Variants in ACOT7 observed in about 807,000 individuals in gnomAD.
ACOT7 encodes cytosolic acyl coenzyme A thioester hydrolase.
ACOT7 carries 12 observed loss-of-function variants against 40.2 expected under a neutral mutation model. That is an observed-to-expected ratio of 0.30 (90% confidence interval 0.19 to 0.48). ACOT7 has a LOEUF of 0.48. ACOT7 is among the 20% of genes least tolerant of loss of function. ACOT7 has a pLI of 0.99. For missense variants in ACOT7, 395 were observed against 530.8 expected (o/e 0.74, Z 2.51); for synonymous variants, 228 against 219.5 (o/e 1.04, Z -0.34).
intron 1 of ACOT7, among the ~76,000 whole-genome samples, chr1:6,377,665 T>C (rs1435279433): frequency 3.3e-5 from 5 of 152,146 alleles, no homozygotes; most frequent in African/African-American, 1.2e-4. Context: ...CACCAAAGTG[T>C]AGTATCAAAA....
Position 6,355,824 on chromosome 1 carries a change from C to A in ACOT7, c.144-5958G>T, listed in dbSNP as rs1451804777. 1.3e-5 allele frequency among the ~76,000 whole-genome samples: 2 copies of A among 152,152 alleles called. No homozygotes were observed. The highest frequency in any genetic ancestry group is 1.5e-5 in the Non-Finnish European group (1 of 68,020). On this transcript the variant is annotated intron_variant, in intron 1 of 8. Coordinates refer to ENST00000361521, the MANE Select transcript of ACOT7 (RefSeq NM_007274.4). This position sits in a 1 kb window ranked among gnomAD's most constrained non-coding sequence, Gnocchi z 5.0. Reference sequence around the variant, plus strand: ...CCACATCCTCGCAGGACAGCCCGAGCCTGTTCCGCAGCGGGAGTGAGGCGC... The same window carrying A: ...CCACATCCTCGCAGGACAGCCCGAGACTGTTCCGCAGCGGGAGTGAGGCGC...
At chr1:6,345,663 C>T (rs1041251703) in intron 2 of ACOT7, among the ~76,000 whole-genome samples, 1 of 152,222 alleles carries the variant, frequency 6.6e-6, no homozygotes, top group Non-Finnish European at 1.5e-5. Flanking sequence ...AGAGAGGGTG[C>T]GGTCTCATCA....
intron 7 of ACOT7, among the ~76,000 whole-genome samples, chr1:6,283,654 A>T (rs12073007): frequency 2.6e-5 from 4 of 152,226 alleles, no homozygotes; most frequent in Non-Finnish European, 5.9e-5. Context: ...AACAAAAAGA[A>T]GAGAATGCTG....
intron 5 of ACOT7, among the ~76,000 whole-genome samples, chr1:6,318,944 C>T (rs946181947): frequency 6.6e-6 from 1 of 152,210 alleles, no homozygotes; most frequent in African/African-American, 2.4e-5. Context: ...TCCAATTTTA[C>T]AAGAAGTGCC....
chr1:6,271,386 C>G (rs1323518996), intron 8 of ACOT7, among the ~76,000 whole-genome samples: 1 of 152,226 alleles, frequency 6.6e-6, no homozygotes, highest in African/African-American at 2.4e-5. Context: ...ACGTAGCATG[C>G]CCTCTCCCTG....
Position 6,318,556 on chromosome 1 carries a change from G to A in ACOT7, c.648C>T (p.Ser216=), listed in dbSNP as rs1268325831. The part of the protein sequence containing the change: ...LNPEPNTVSY[S]QSSLIHLVGP... ...CCACCAGGTGGATCAAGCTGGACTG[G>A]CTGTAGCTGACAGTGTTCGGCTCTG... The change falls in exon 6 of 9, where the codon AGC becomes AGT. Residue 216 remains serine (S), a synonymous_variant. Transcript: ENST00000361521. The A allele has an allele frequency of 3.7e-6, 6 of 1,614,146 alleles. No homozygotes were observed. The highest frequency in any genetic ancestry group is 5.1e-6 in the Non-Finnish European group (6 of 1,180,006).
intron 7 of ACOT7, among the ~76,000 whole-genome samples, chr1:6,291,301 G>A (rs1369663234): frequency 6.6e-6 from 1 of 152,104 alleles, no homozygotes; most frequent in East Asian, 1.9e-4. Flanking sequence ...AGAGACAGAA[G>A]AGGAGAGACA....
intron 1 of ACOT7, among the ~76,000 whole-genome samples, chr1:6,357,289 G>T (rs1378880237): frequency 1.3e-5 from 2 of 152,172 alleles, no homozygotes; most frequent in African/African-American, 4.8e-5. Flanking sequence ...GTGAAACCCA[G>T]GGTAACCAGG....
chr1:6,297,657 T>G (rs1373122479), intron 6 of ACOT7, among the ~76,000 whole-genome samples: 3 of 152,232 alleles, frequency 2.0e-5, no homozygotes, highest in African/African-American at 7.2e-5. Context: ...CCTGGCGAGA[T>G]GTGAACAGTG....
chr1:6,382,708 C>G (rs1399549313), intron 1 of ACOT7, among the ~76,000 whole-genome samples: 1 of 151,468 alleles, frequency 6.6e-6, no homozygotes, highest in East Asian at 1.9e-4. Flanking sequence ...CCCAGCTACT[C>G]GGGTGGCTGA....
intron 8 of ACOT7, among the ~76,000 whole-genome samples, chr1:6,265,201 C>CACCA (rs1490940709): frequency 8.5e-5 from 13 of 152,296 alleles, no homozygotes; most frequent in African/African-American, 2.6e-4. Flanking sequence ...TGCACACAGT[C>CACCA]ACCACCCCGC....
chr1:6,362,945 C>T (rs1476812948), intron 1 of ACOT7, among the ~76,000 whole-genome samples: 1 of 152,064 alleles, frequency 6.6e-6, no homozygotes, highest in African/African-American at 2.4e-5. Context: ...GCAAGCCATC[C>T]AGGTGCCGAG....
At chr1:6,386,184 G>C (rs1391746347) in intron 1 of ACOT7, among the ~76,000 whole-genome samples, 1 of 152,206 alleles carries the variant, frequency 6.6e-6, no homozygotes, top group Admixed American at 6.5e-5. Context: ...CGCACAACAC[G>C]GCAGGTGCCT....
intron 3 of ACOT7, among the ~76,000 whole-genome samples, chr1:6,334,882 G>T (rs148057260): frequency 6.6e-6 from 1 of 152,198 alleles, no homozygotes; most frequent in Non-Finnish European, 1.5e-5. Context: ...GTATCTGCAA[G>T]GATGCCTTTA....
chr1:6,337,965 C>T (rs1641150526), intron 3 of ACOT7, among the ~76,000 whole-genome samples: 1 of 142,494 alleles, frequency 7.0e-6, no homozygotes, highest in South Asian at 2.2e-4. Flanking sequence ...CACACCACTG[C>T]ACTCCAGACT....
chr1:6,336,166 T>C (rs1166833052), intron 3 of ACOT7, among the ~76,000 whole-genome samples: 1 of 151,956 alleles, frequency 6.6e-6, no homozygotes, highest in African/African-American at 2.4e-5. Context: ...AACAGGTCTC[T>C]ACTAAAAATA....
chr1:6,282,631 G>T lies in ACOT7; in HGVS notation c.830-1345C>A. On this transcript the variant is annotated intron_variant, in intron 7 of 8. Coordinates refer to ENST00000361521, the MANE Select transcript of ACOT7 (RefSeq NM_007274.4). The surrounding 1 kb of genome is among the most constrained non-coding windows in gnomAD (Gnocchi z 4.5). Reference sequence around the variant, plus strand: ...GTGAGAAAGCGGCCAGGTGGTGGCTGTTGGAGGGCGGTTAGCAGGCCAGAG... The same window carrying T: ...GTGAGAAAGCGGCCAGGTGGTGGCTTTTGGAGGGCGGTTAGCAGGCCAGAG... 2 of 1,045,550 alleles carry T rather than the reference G, an allele frequency of 1.9e-6. No individual in the cohort carries two copies. Among genetic ancestry groups the T allele is most frequent in the Non-Finnish European group, 2.6e-6 (2 of 757,308 alleles). 64.8% of individuals were successfully genotyped at this position (1,045,550 alleles called of 1,614,324 possible).
rs1640171219 is a variant in ACOT7, at chr1:6,306,877, C to G, written c.712+11615G>C. 7.8e-7 allele frequency: 1 copy of G among 1,289,168 alleles called. No homozygotes were observed. The highest frequency in any genetic ancestry group is 1.2e-5 in the South Asian group (1 of 81,014). The allele number at this position is 1,289,168 out of a possible 1,614,324, so 79.9% of individuals were successfully genotyped here. ...TTTTGCATTTTTCAGTGAAAGTCAA[C>G]TCCTCCTGCAGGTGCAAAAGATTGT... On this transcript the variant is annotated intron_variant, in intron 6 of 8. Transcript: ENST00000361521. The surrounding 1 kb of genome is among the most constrained non-coding windows in gnomAD (Gnocchi z 4.3).
At chr1:6,370,379 C>T (rs1232030506) in intron 1 of ACOT7, among the ~76,000 whole-genome samples, 2 of 151,876 alleles carry the variant, frequency 1.3e-5, no homozygotes, top group African/African-American at 2.4e-5. Flanking sequence ...CCAGCAGGCA[C>T]GAAAACAAAA....
Sources: allele counts gnomAD v4.1 joint callset (sites outside exome capture counted in the v4.1 genomes callset), GRCh38; gene constraint gnomAD v4.1.1; non-coding constraint Gnocchi (gnomAD v3.1); transcripts MANE v1.5; gene names NCBI Gene and HGNC (gene_info 2026-07-23, HGNC 2026-07-21).